Variants in AGMO observed in about 807,000 individuals in gnomAD.
AGMO encodes the protein alkylglycerol monooxygenase.
AGMO carries 75 observed loss-of-function variants against 60.2 expected under a neutral mutation model. The ratio of observed to expected loss-of-function variants is 1.25; its 90% CI spans 1.03 to 1.51. AGMO has a LOEUF of 1.51. AGMO is among the 40% of genes most tolerant of loss of function. The probability of loss-of-function intolerance (pLI) is 0.00; values close to 1 mark genes in which losing one functional copy is unlikely to be tolerated. For missense variants in AGMO, 763 were observed against 525.5 expected (o/e 1.45, Z -4.42); for synonymous variants, 261 against 177.1 (o/e 1.47, Z -3.76).
intron 12 of AGMO, among the ~76,000 whole-genome samples, chr7:15,215,362 CTCTCT>C (rs1247106080): frequency 6.6e-6 from 1 of 151,458 alleles, no homozygotes; most frequent in African/African-American, 2.4e-5. Context: ...CTTTTTTTTC[CTCTCT>C]TTTTTTTCTT....
intron 12 of AGMO, among the ~76,000 whole-genome samples, chr7:15,351,552 G>A (rs62450353): frequency 0.03 from 4,616 of 152,202 alleles, 92 homozygotes; most frequent in Admixed American, 0.047. Context: ...AGGATATCAT[G>A]TGCGTATCAT....
chr7:15,391,817 A>C (rs574349506), intron 6 of AGMO, among the ~76,000 whole-genome samples: 3 of 152,276 alleles, frequency 2.0e-5, no homozygotes, highest in Admixed American at 1.3e-4. Flanking sequence ...TGGAGACATG[A>C]GTAGCCACAC....
chr7:15,515,954 G>T (rs1041488727), intron 3 of AGMO, among the ~76,000 whole-genome samples: 3 of 152,250 alleles, frequency 2.0e-5, no homozygotes, highest in African/African-American at 4.8e-5. Flanking sequence ...ATAGGTTCAA[G>T]AGATCGATCG....
intron 12 of AGMO, among the ~76,000 whole-genome samples, chr7:15,241,841 C>T (rs1015532581): frequency 6.6e-6 from 1 of 152,068 alleles, no homozygotes; most frequent in Non-Finnish European, 1.5e-5. Context: ...GGGCTCTTAT[C>T]TGTAGGCTCT....
intron 3 of AGMO, among the ~76,000 whole-genome samples, chr7:15,493,749 T>C (rs1258940759): frequency 1.3e-5 from 2 of 152,060 alleles, no homozygotes; most frequent in Non-Finnish European, 2.9e-5. Context: ...TCCTTTAGAG[T>C]GCATATCCTG....
At chr7:15,205,177 A>G (rs1781409114) in intron 12 of AGMO, among the ~76,000 whole-genome samples, 1 of 152,200 alleles carries the variant, frequency 6.6e-6, no homozygotes, top group African/African-American at 2.4e-5. Flanking sequence ...TGGTTTTAAT[A>G]CACTTACTAT....
At chr7:15,195,429 G>C (rs930861487), downstream of AGMO, among the ~76,000 whole-genome samples, 1 of 152,208 alleles carries the variant, frequency 6.6e-6, no homozygotes, top group Non-Finnish European at 1.5e-5. Context: ...GATTTACATA[G>C]GGCCCAAAGA....
At chr7:15,460,623 A>G (rs1782120142) in intron 3 of AGMO, among the ~76,000 whole-genome samples, 1 of 152,116 alleles carries the variant, frequency 6.6e-6, no homozygotes, top group African/African-American at 2.4e-5. Context: ...GATATAATAA[A>G]TTAAATATTG....
intron 12 of AGMO, among the ~76,000 whole-genome samples, chr7:15,307,518 T>A (rs1780650625): frequency 6.6e-6 from 1 of 151,942 alleles, no homozygotes; most frequent in Admixed American, 6.6e-5. Context: ...ATCAGTAAAG[T>A]ATACTAGTTT....
chr7:15,443,609 C>T (rs1339341233), intron 3 of AGMO, among the ~76,000 whole-genome samples: 1 of 152,052 alleles, frequency 6.6e-6, no homozygotes, highest in Non-Finnish European at 1.5e-5. Context: ...TTCAGTGAGC[C>T]ATATCTGTAT....
chr7:15,352,890 G>A (rs1451185669), intron 12 of AGMO, among the ~76,000 whole-genome samples: 1 of 152,070 alleles, frequency 6.6e-6, no homozygotes, highest in Non-Finnish European at 1.5e-5. Context: ...CTTGTGTGCT[G>A]ACATGGCTCT....
chr7:15,547,901 G>A (rs1784832917), intron 2 of AGMO, among the ~76,000 whole-genome samples: 1 of 152,200 alleles, frequency 6.6e-6, no homozygotes, highest in African/African-American at 2.4e-5. Context: ...AACCTCTGCA[G>A]ACTTAAATGT....
At chr7:15,548,311 A>G (rs1415358493) in intron 2 of AGMO, among the ~76,000 whole-genome samples, 1 of 152,154 alleles carries the variant, frequency 6.6e-6, no homozygotes, top group African/African-American at 2.4e-5. Context: ...ACAAAGCTGG[A>G]TGGAGAATGA....
chr7:15,318,415 A>G (rs1267470675), intron 12 of AGMO, among the ~76,000 whole-genome samples: 1 of 152,176 alleles, frequency 6.6e-6, no homozygotes, highest in Non-Finnish European at 1.5e-5. Flanking sequence ...GCTTGAATAC[A>G]GTGTATCACT....
At chr7:15,451,620 A>T (rs1781858600) in intron 3 of AGMO, among the ~76,000 whole-genome samples, 1 of 152,154 alleles carries the variant, frequency 6.6e-6, no homozygotes, top group Admixed American at 6.5e-5. Context: ...CTATTTGTAA[A>T]ACACTGCTTA....
At chr7:15,351,780 G>C (rs769943763) in intron 12 of AGMO, among the ~76,000 whole-genome samples, 2 of 151,986 alleles carry the variant, frequency 1.3e-5, no homozygotes, top group African/African-American at 4.8e-5. Flanking sequence ...CAAAGTATAC[G>C]GCTAGAGATA....
intron 9 of AGMO, among the ~76,000 whole-genome samples, chr7:15,385,854 G>A (rs183209612): frequency 5.3e-5 from 8 of 152,210 alleles, no homozygotes; most frequent in African/African-American, 1.2e-4. Context: ...ATATGTCCAC[G>A]ATCACATCTG....
intron 5 of AGMO, among the ~76,000 whole-genome samples, chr7:15,407,019 GTA>G (rs200664259): frequency 0.081 from 11,155 of 137,752 alleles, 521 homozygotes; most frequent in South Asian, 0.12. Flanking sequence ...ATATATATGT[GTA>G]TATATATGTA....
At chr7:15,345,550 T>C (rs1738536212) in intron 12 of AGMO, among the ~76,000 whole-genome samples, 1 of 152,190 alleles carries the variant, frequency 6.6e-6, no homozygotes, top group African/African-American at 2.4e-5. Context: ...TCTACTGTAA[T>C]TACTATTTTA....
Sources: allele counts gnomAD v4.1 joint callset (sites outside exome capture counted in the v4.1 genomes callset), GRCh38; gene constraint gnomAD v4.1.1; transcripts MANE v1.5; gene names NCBI Gene and HGNC (gene_info 2026-07-23, HGNC 2026-07-21).